MASTL: variants seen among roughly 807,000 people sequenced by gnomAD.
The protein encoded by MASTL is serine/threonine-protein kinase greatwall.
Under a neutral mutation model 82.5 loss-of-function variants are expected in MASTL, and 54 were observed. The ratio of observed to expected loss-of-function variants is 0.65; its 90% CI spans 0.53 to 0.82. MASTL has a LOEUF of 0.82. Ranked by LOEUF, MASTL falls within the 40% of genes least tolerant of loss-of-function variation. The pLI, the probability that MASTL is intolerant of heterozygous loss-of-function variation, is 0.00. For missense variants in MASTL, 950 were observed against 1,047.8 expected, an observed-to-expected ratio of 0.91 and a Z score of 1.29; for synonymous variants, 323 against 368.9, an observed-to-expected ratio of 0.88 and a Z score of 1.43.
intron 9 of MASTL, among the ~76,000 whole-genome samples, chr10:27,174,708 G>A (rs552856063): frequency 3.0e-4 from 45 of 152,174 alleles, no homozygotes; most frequent in African/African-American, 1.1e-3. Context: ...TGTTCTCCCT[G>A]TGTCTCTATC....
rs886046959 is a variant in MASTL at position 27,173,268 on chromosome 10, T to C, written c.2266+9T>C. ...ACTAGGCAGGGCCCATGGTAAGGCATGCATGTCTTGAGTTTTTGAAGTGTT... is the reference window on the plus strand; with the variant it reads ...ACTAGGCAGGGCCCATGGTAAGGCACGCATGTCTTGAGTTTTTGAAGTGTT... On this transcript the variant is annotated intron_variant, in intron 9 of 11. Coordinates refer to ENST00000375940, the MANE Select transcript of MASTL (RefSeq NM_001172303.3). 3.1e-5 allele frequency: 50 copies of C among 1,613,960 alleles called. No individual in the cohort carries two copies. The highest frequency in any genetic ancestry group is 4.2e-5 in the Non-Finnish European group (49 of 1,179,990).
Position 27,181,462 on chromosome 10 carries a change from G to T in MASTL, c.2381-18G>T. On this transcript the variant is annotated intron_variant, in intron 10 of 11. Coordinates refer to ENST00000375940, the MANE Select transcript of MASTL (RefSeq NM_001172303.3). ...TGAGCAGTAATAAACAAGTTTATTT[G>T]TATATGTATAATTTTAGATATCCCT... 6.6e-7 allele frequency: 1 copy of T among 1,512,996 alleles called. No individual in the cohort carries two copies. 93.7% of individuals were successfully genotyped at this position (1,512,996 alleles called of 1,614,324 possible).
rs2057898457 is a variant in MASTL, at chr10:27,170,599, A to T, written c.1640A>T (p.Asp547Val). 1 of 1,609,328 alleles carries T rather than the reference A, an allele frequency of 6.2e-7. No homozygotes were observed. Among genetic ancestry groups the T allele is most frequent in the East Asian group, 2.2e-5 (1 of 44,816 alleles). The change falls in exon 8 of 12, where the codon GAC (aspartate) becomes GTC (valine). Residue 547 changes from aspartate (D) to valine (V), a missense_variant. Asp to Val is a radical substitution (Grantham distance 152). Coordinates refer to ENST00000375940, the MANE Select transcript of MASTL (RefSeq NM_001172303.3). The part of the protein sequence containing the change: ...DEDCEKNSKR[D>V]YLSSSFLCSD... ...GACTGTGAAAAGAATAGTAAGAGGG[A>T]CTACTTAAGTTCTAGTTTTCTATGT...
intron 4 of MASTL, among the ~76,000 whole-genome samples, chr10:27,161,604 G>A (rs2135988090): frequency 6.6e-6 from 1 of 151,890 alleles, no homozygotes; most frequent in Middle Eastern, 3.5e-3. Flanking sequence ...AACTTCCACT[G>A]TTTTCTTTGT....
At position 27,186,651 on chromosome 10, in the gene MASTL, A is replaced by G; in HGVS notation, c.*115A>G. ...AAAGATCATTATTTAACCTAGTTCA[A>G]TGTGCTTTTAATGTACGTTACAGCT... On this transcript the variant is annotated 3_prime_UTR_variant, in exon 12 of 12. Coordinates refer to ENST00000375940, the MANE Select transcript of MASTL (RefSeq NM_001172303.3). The G allele has an allele frequency of 2.0e-6, 2 of 983,950 alleles. No individual in the cohort carries two copies. Among genetic ancestry groups the G allele is most frequent in the African/African-American group, 3.2e-5 (2 of 63,416 alleles). The allele number at this position is 983,950 out of a possible 1,614,324, so 61.0% of individuals were successfully genotyped here.
rs752147433 is a variant in MASTL, at chr10:27,184,554, ATTTTTT to A, written c.2483-1806_2483-1801del. ...AAAAACACTATCACATATAAGAAGG[ATTTTTT>A]TTTTTTTTTTTTTTTTTTGAGACGG... On this transcript the variant is annotated intron_variant, in intron 11 of 11. Transcript: ENST00000375940. Among the ~76,000 whole-genome samples the A allele has an allele frequency of 4.2e-3, 353 of 84,858 alleles. 2 individuals are homozygous for A. The highest frequency in any genetic ancestry group is 0.04 in the South Asian group (86 of 2,134). The allele number at this position is 84,858 out of a possible 152,430, so 55.7% of individuals were successfully genotyped here.
intron 9 of MASTL, among the ~76,000 whole-genome samples, chr10:27,179,378 C>A (rs1243669976): frequency 6.6e-6 from 1 of 152,084 alleles, no homozygotes; most frequent in Non-Finnish European, 1.5e-5. Context: ...CACAGTGAAA[C>A]CCTGTCTCTA....
In MASTL at chr10:27,171,010, C is replaced by T. The variant is rs776845402; in HGVS notation, c.2051C>T (p.Ser684Leu). ...NMTSLDAMDI[S>L]CAYSGSYPMA... is the part of the protein sequence containing the mutation. ...ACTTCTTTAGATGCAATGGATATTT[C>T]GTGTGCCTACAGTGGTTCATATCCC... is the stretch of plus-strand genomic sequence containing the variant. Residue 684 changes from serine to leucine, a missense_variant, in exon 8 of 12, where the codon TCG becomes TTG. Transcript: ENST00000375940. The T allele has an allele frequency of 1.9e-5, 31 of 1,613,952 alleles. No homozygotes were observed. Among genetic ancestry groups the T allele is most frequent in the African/African-American group, 5.3e-5 (4 of 74,936 alleles).
At chr10:27,180,263 A>T (rs2058229161) in intron 9 of MASTL, among the ~76,000 whole-genome samples, 1 of 152,250 alleles carries the variant, frequency 6.6e-6, no homozygotes, top group Admixed American at 6.5e-5. Context: ...CCAAGAGGGG[A>T]GCTGATCACA....
intron 4 of MASTL, among the ~76,000 whole-genome samples, chr10:27,162,461 GAGTTC>G (rs2057602288): frequency 6.6e-6 from 1 of 152,160 alleles, no homozygotes; most frequent in Non-Finnish European, 1.5e-5. Context: ...TTGAGGTCAG[GAGTTC>G]TAGACTAGCC....
Position 27,165,282 on chromosome 10 carries a change from G to C in MASTL, c.661-107G>C, listed in dbSNP as rs1347788339. 38 of 1,409,882 alleles carry C rather than the reference G, an allele frequency of 2.7e-5. No homozygotes were observed. In the Admixed American group the frequency reaches 6.1e-4, roughly 23 times the overall value. 87.3% of individuals were successfully genotyped at this position (1,409,882 alleles called of 1,614,324 possible). ...AAATAGATTTAAATATCAAGCATTT[G>C]GATTTACTTTAACAGTTTGTCTACT... On this transcript the variant is annotated intron_variant, in intron 5 of 11. Coordinates refer to ENST00000375940, the MANE Select transcript of MASTL (RefSeq NM_001172303.3).
chr10:27,181,651 CA>C, intron 11 of MASTL, 70 bp downstream of exon 11: 14 of 1,209,440 alleles, frequency 1.2e-5, no homozygotes, highest in Non-Finnish European at 1.7e-5. Flanking sequence ...ATAAAAATAG[CA>C]AGTTCTGGCT....
At chr10:27,181,800 T>TGTG (rs1162377084) in intron 11 of MASTL, among the ~76,000 whole-genome samples, 3 of 151,146 alleles carry the variant, frequency 2.0e-5, no homozygotes, top group Admixed American at 1.3e-4. Context: ...ATTGGCCGGG[T>TGTG]GTGGTGGCTC....
chr10:27,183,357 C>T (rs544363531), intron 11 of MASTL, among the ~76,000 whole-genome samples: 2 of 152,074 alleles, frequency 1.3e-5, no homozygotes, highest in South Asian at 4.2e-4. Flanking sequence ...GATCTCGGCT[C>T]ACTGCAACCT....
In MASTL at chr10:27,173,132, G is replaced by T. The variant is rs41282228; in HGVS notation, c.2139G>T (p.Gln713His). Reference protein sequence around the residue: ...SCMPHQQTPNQIKSGTPYRTP... With the variant: ...SCMPHQQTPNHIKSGTPYRTP... ...TTTTGAATTAGCAGACCCCAAATCA[G>T]ATCAAGTCGGGAACTCCATACCGAA... Residue 713 changes from glutamine to histidine, a missense_variant, in exon 9 of 12, where the codon CAG becomes CAT. By Grantham distance (24) the Gln-to-His change is conservative (BLOSUM62 0). Coordinates refer to ENST00000375940, the MANE Select transcript of MASTL (RefSeq NM_001172303.3). 8.1e-6 allele frequency: 13 copies of T among 1,614,108 alleles called. No homozygotes were observed. The highest frequency in any genetic ancestry group is 1.7e-5 in the Admixed American group (1 of 60,008).
intron 4 of MASTL, 97 bp downstream of exon 4, chr10:27,161,279 G>A (rs749544581): frequency 3.1e-5 from 22 of 713,118 alleles, no homozygotes; most frequent in African/African-American, 1.8e-4. Context: ...AGGCCAAGGC[G>A]GGCAGATCAC....
chr10:27,186,449 C>G lies in MASTL; in HGVS notation c.2553C>G (p.Ile851Met). 1 of 1,614,032 alleles carries G rather than the reference C, an allele frequency of 6.2e-7. No individual in the cohort carries two copies. The highest frequency in any genetic ancestry group is 8.5e-7 in the Non-Finnish European group (1 of 1,179,914). The part of the protein sequence containing the change: ...ENLQHQTMPF[I>M]PQPDDETDTS... ...TGCAGCATCAGACTATGCCTTTCATCCCCCAGCCAGATGATGAAACAGATA... is the reference window on the plus strand; with the variant it reads ...TGCAGCATCAGACTATGCCTTTCATGCCCCAGCCAGATGATGAAACAGATA... The change falls in exon 12 of 12, where the codon ATC (isoleucine) becomes ATG (methionine). Residue 851 changes from isoleucine to methionine, a missense_variant. Coordinates refer to ENST00000375940, the MANE Select transcript of MASTL (RefSeq NM_001172303.3).
intron 1 of MASTL, among the ~76,000 whole-genome samples, chr10:27,158,051 T>C (rs1254107048): frequency 6.6e-6 from 1 of 152,216 alleles, no homozygotes; most frequent in Non-Finnish European, 1.5e-5. Context: ...ATTATGATAC[T>C]TCTGCCATTT....
chr10:27,176,849 CTTTTTTTTTTTTTTTT>C (rs2058117403), intron 9 of MASTL, among the ~76,000 whole-genome samples: 1 of 124,830 alleles, frequency 8.0e-6, no homozygotes, highest in African/African-American at 3.1e-5. Flanking sequence ...TTTCTTTTTT[CTTTTTTTTTTTTTTTT>C]GAGACAGTCT....
Sources: gnomAD v4.1 joint callset for allele counts (sites outside exome capture counted in the v4.1 genomes callset) on GRCh38, gnomAD v4.1.1 for gene constraint, MANE v1.5 for transcripts, NCBI Gene and HGNC (gene_info 2026-07-23, HGNC 2026-07-21) for gene names.